The following KALRN variants were observed in gnomAD, a reference collection of about 807,000 sequenced individuals.
KALRN encodes the protein kalirin RhoGEF kinase.
Under a neutral mutation model 353.7 loss-of-function variants are expected in KALRN, and 70 were observed. The observed-to-expected ratio is 0.20, with a 90% CI of 0.16 to 0.24. The LOEUF is 0.24. KALRN is among the 10% of genes least tolerant of loss of function. The pLI is 1.00. For missense variants in KALRN, 2,791 were observed against 3,756.7 expected, an observed-to-expected ratio of 0.74 and a Z score of 6.72; for synonymous variants, 1,391 against 1,434.8, an observed-to-expected ratio of 0.97 and a Z score of 0.69.
Position 124,671,556 on chromosome 3 carries a change from C to T in KALRN, c.6704-104C>T, listed in dbSNP as rs2086453200. ...TTAAAAACAAGGGTAGTGTTTTTCT[C>T]ACTTATCCACACGATGCCTAACACA... On this transcript the variant is annotated intron_variant, in intron 47 of 59. Coordinates refer to ENST00000682506, the MANE Select transcript of KALRN (RefSeq NM_001388419.1). 12 of 742,888 alleles carry T rather than the reference C, an allele frequency of 1.6e-5. No individual in the cohort carries two copies. The South Asian group carries it at 2.0e-4, about 13-fold the overall frequency. 46.0% of individuals were successfully genotyped at this position (742,888 alleles called of 1,614,324 possible).
chr3:124,439,665 A>G (rs1226664070), intron 18 of KALRN, among the ~76,000 whole-genome samples: 2 of 152,236 alleles, frequency 1.3e-5, no homozygotes, highest in Non-Finnish European at 2.9e-5. Flanking sequence ...TTACCAACAC[A>G]CATGACACTG....
chr3:124,200,523 C>T (rs1335049621), intron 1 of KALRN, among the ~76,000 whole-genome samples: 1 of 152,176 alleles, frequency 6.6e-6, no homozygotes, highest in Non-Finnish European at 1.5e-5. Flanking sequence ...GCCCTTAGGA[C>T]CTAATTATCT....
chr3:124,635,297 C>A (rs767956661), intron 36 of KALRN, among the ~76,000 whole-genome samples: 6 of 152,164 alleles, frequency 3.9e-5, no homozygotes, highest in Non-Finnish European at 7.3e-5. Context: ...AGTAGGGTGC[C>A]CATGTCTCAC....
intron 1 of KALRN, chr3:124,082,346 C>G: frequency 2.1e-6 from 1 of 470,292 alleles, no homozygotes; most frequent in Non-Finnish European, 4.4e-6. Context: ...AGTAGAAATT[C>G]TGTTTCCTAT....
chr3:124,496,428 T>C lies in KALRN; in HGVS notation c.4935+15T>C, dbSNP rs572307967. 23 of 1,580,816 alleles carry C rather than the reference T, an allele frequency of 1.5e-5. No homozygotes were observed. In the South Asian group the frequency reaches 2.3e-4, roughly 16 times the overall value. ...ACAGTGACAAGGTAGGACAGAGTCC[T>C]AACCTTCCTTCCCCTGAGACTTCTT... On this transcript the variant is annotated intron_variant, in intron 33 of 59. Coordinates refer to ENST00000682506, the MANE Select transcript of KALRN (RefSeq NM_001388419.1).
chr3:124,622,214 C>T (rs939505276), intron 34 of KALRN, among the ~76,000 whole-genome samples: 6 of 152,066 alleles, frequency 3.9e-5, no homozygotes, highest in Non-Finnish European at 8.8e-5. Context: ...TCAAAGGACC[C>T]CTCTGTAAAT....
chr3:124,382,009 C>T (rs1002476008), intron 10 of KALRN, among the ~76,000 whole-genome samples: 5 of 152,158 alleles, frequency 3.3e-5, no homozygotes, highest in Non-Finnish European at 4.4e-5. Context: ...CTTATAGAGG[C>T]AGGGTAATTT....
chr3:124,546,540 A>C (rs2069688704), intron 33 of KALRN, among the ~76,000 whole-genome samples: 1 of 152,172 alleles, frequency 6.6e-6, no homozygotes, highest in Non-Finnish European at 1.5e-5. Context: ...TATGGACTCC[A>C]ATATAGAAGA....
intron 3 of KALRN, among the ~76,000 whole-genome samples, chr3:124,258,357 G>A (rs2072338401): frequency 6.6e-6 from 1 of 152,168 alleles, no homozygotes; most frequent in African/African-American, 2.4e-5. Context: ...CAATAGTTCT[G>A]CTCTTAGTGA....
In KALRN at chr3:124,334,511, C is replaced by T. The variant is rs763409444; in HGVS notation, c.1647+16C>T. 9 of 1,579,486 alleles carry T rather than the reference C, an allele frequency of 5.7e-6. No homozygotes were observed. In the South Asian group the frequency reaches 8.9e-5, roughly 16 times the overall value. On this transcript the variant is annotated intron_variant, in intron 9 of 59. Coordinates refer to ENST00000682506, the MANE Select transcript of KALRN (RefSeq NM_001388419.1). The surrounding 1 kb of genome is among the most constrained non-coding windows in gnomAD (Gnocchi z 4.2). ...TGTACAGCAGGTAACAGGCTCTGAG[C>T]CCCGGTGTCCATTATCCATTCTAGG...
At chr3:124,308,850 T>C (rs191950590) in intron 6 of KALRN, among the ~76,000 whole-genome samples, 229 of 151,152 alleles carry the variant, frequency 1.5e-3, no homozygotes, top group African/African-American at 5.3e-3. Context: ...AGGAAAACAA[T>C]AGAGAAATTT....
At chr3:124,226,487 T>A (rs1222743613) in intron 1 of KALRN, among the ~76,000 whole-genome samples, 1 of 152,198 alleles carries the variant, frequency 6.6e-6, no homozygotes, top group Non-Finnish European at 1.5e-5. Context: ...AAACGACTGA[T>A]GAATAAAAAG....
intron 8 of KALRN, among the ~76,000 whole-genome samples, chr3:124,332,224 G>T (rs970989770): frequency 6.6e-6 from 1 of 152,042 alleles, no homozygotes; most frequent in Non-Finnish European, 1.5e-5. Flanking sequence ...TGCCCTGAAA[G>T]CATTTCTGTG....
chr3:124,348,890 T>C (rs1027299005), intron 10 of KALRN, among the ~76,000 whole-genome samples: 1 of 152,104 alleles, frequency 6.6e-6, no homozygotes, highest in African/African-American at 2.4e-5. Flanking sequence ...GCTAATTTTT[T>C]GTATTTTTAG....
chr3:124,102,456 C>T (rs534022771), intron 1 of KALRN, among the ~76,000 whole-genome samples: 8 of 152,272 alleles, frequency 5.3e-5, no homozygotes, highest in African/African-American at 7.2e-5. Context: ...TACCTGGTTC[C>T]GTTCAGAGAC....
At chr3:124,571,070 T>C (rs893057751) in intron 34 of KALRN, among the ~76,000 whole-genome samples, 1 of 152,114 alleles carries the variant, frequency 6.6e-6, no homozygotes, top group Non-Finnish European at 1.5e-5. Context: ...CCTTCTATTC[T>C]CCCCCGTCCG....
At chr3:124,039,132 A>T (rs2039704059) in intron 1 of KALRN, among the ~76,000 whole-genome samples, 1 of 152,210 alleles carries the variant, frequency 6.6e-6, no homozygotes, top group Non-Finnish European at 1.5e-5. Flanking sequence ...CTTCAGGGTC[A>T]AGTGTCGGCC....
chr3:124,326,079 C>T lies in KALRN; in HGVS notation c.1192C>T (p.Leu398=), dbSNP rs761527648. Residue 398 remains leucine (L), a synonymous_variant, in exon 7 of 60, where the codon CTG becomes TTG. Coordinates refer to ENST00000682506, the MANE Select transcript of KALRN (RefSeq NM_001388419.1). Reference sequence around the variant, plus strand: ...ACAAATCAAGCAGATCTCCACCCAGCTGGACCAGGAGTGGAAGAGCTTCGC... The same window carrying T: ...ACAAATCAAGCAGATCTCCACCCAGTTGGACCAGGAGTGGAAGAGCTTCGC... ...SQQIKQISTQ[L]DQEWKSFAAA... 1.9e-6 allele frequency: 3 copies of T among 1,613,890 alleles called. No individual in the cohort carries two copies. The highest frequency in any genetic ancestry group is 2.5e-6 in the Non-Finnish European group (3 of 1,179,852).
intron 45 of KALRN, among the ~76,000 whole-genome samples, chr3:124,662,751 G>A (rs2085058098): frequency 6.6e-6 from 1 of 152,176 alleles, no homozygotes; most frequent in South Asian, 2.1e-4. Flanking sequence ...ACCATAAATT[G>A]GGCAGCTTAA....
Sources: allele counts gnomAD v4.1 joint callset (sites outside exome capture counted in the v4.1 genomes callset), GRCh38; gene constraint gnomAD v4.1.1; non-coding constraint Gnocchi (gnomAD v3.1); transcripts MANE v1.5; gene names NCBI Gene and HGNC (gene_info 2026-07-23, HGNC 2026-07-21).